PAK1: variants seen among roughly 807,000 people sequenced by gnomAD.
PAK1 encodes serine/threonine-protein kinase PAK 1.
In PAK1, 29 loss-of-function variants were observed where a neutral mutation model predicts 67.4. The observed-to-expected ratio is 0.43, with a 90% CI of 0.32 to 0.59. The LOEUF (loss-of-function observed/expected upper bound fraction) is 0.59, where lower values mean the gene tolerates loss of function less well. Ranked by LOEUF, PAK1 falls within the 20% of genes least tolerant of loss-of-function variation. The probability of loss-of-function intolerance (pLI) is 0.07; values close to 1 mark genes in which losing one functional copy is unlikely to be tolerated. For missense variants in PAK1, 337 were observed against 670.7 expected (o/e 0.50, Z 5.50); for synonymous variants, 223 against 237.4 (o/e 0.94, Z 0.56).
chr11:77,366,368 T>C (rs1947582925), intron 5 of PAK1, among the ~76,000 whole-genome samples: 1 of 152,196 alleles, frequency 6.6e-6, no homozygotes, highest in Admixed American at 6.5e-5. Flanking sequence ...AAAAACATAA[T>C]TGTATAAAGC....
the PAK1 span, among the ~76,000 whole-genome samples, chr11:77,520,009 C>G: frequency 2.4e-4 from 37 of 152,180 alleles, no homozygotes; most frequent in South Asian, 6.3e-4. Flanking sequence ...GTGGCCCCCC[C>G]CTCCGCCCGT....
At chr11:77,375,235 T>C (rs1424536445) in intron 4 of PAK1, among the ~76,000 whole-genome samples, 1 of 152,216 alleles carries the variant, frequency 6.6e-6, no homozygotes, top group African/African-American at 2.4e-5. Flanking sequence ...TCATCAGCTA[T>C]ATCACTGTCA....
chr11:77,384,851 C>T (rs1265033593), intron 2 of PAK1, among the ~76,000 whole-genome samples: 1 of 151,912 alleles, frequency 6.6e-6, no homozygotes, highest in East Asian at 1.9e-4. Context: ...ATACTAAAAA[C>T]CACGGAATTG....
At chr11:77,508,872 G>A in the PAK1 span, among the ~76,000 whole-genome samples, 3 of 149,422 alleles carry the variant, frequency 2.0e-5, no homozygotes, top group African/African-American at 7.3e-5. Context: ...GTGTTAGCCA[G>A]GATGGCCTCG....
chr11:77,498,306 GAA>G, the PAK1 span, among the ~76,000 whole-genome samples: 2 of 152,070 alleles, frequency 1.3e-5, no homozygotes, highest in Admixed American at 1.3e-4. Context: ...ATTCCAAAAG[GAA>G]AAGTTTATTT....
At chr11:77,345,544 C>T (rs1354351657) in intron 9 of PAK1, among the ~76,000 whole-genome samples, 3 of 152,128 alleles carry the variant, frequency 2.0e-5, no homozygotes, top group African/African-American at 7.2e-5. Context: ...AAATCCCTGA[C>T]TCTATTATTT....
chr11:77,481,372 TG>T, the PAK1 span, among the ~76,000 whole-genome samples: 1 of 152,096 alleles, frequency 6.6e-6, no homozygotes, highest in Admixed American at 6.6e-5. Flanking sequence ...GGGTGATTTG[TG>T]TCTTTTAACA....
At chr11:77,491,608 TGTTAA>T in the PAK1 span, among the ~76,000 whole-genome samples, 2 of 152,172 alleles carry the variant, frequency 1.3e-5, no homozygotes, top group African/African-American at 4.8e-5. Flanking sequence ...ATGCAATCAG[TGTTAA>T]GTTGTCATCA....
chr11:77,346,843 A>G (rs1944497382), intron 9 of PAK1, among the ~76,000 whole-genome samples: 1 of 152,250 alleles, frequency 6.6e-6, no homozygotes, highest in Non-Finnish European at 1.5e-5. Flanking sequence ...ATCAATGCCT[A>G]CAGGTCCATG....
At chr11:77,376,464 G>A (rs1474516715) in intron 4 of PAK1, among the ~76,000 whole-genome samples, 1 of 152,084 alleles carries the variant, frequency 6.6e-6, no homozygotes, top group Non-Finnish European at 1.5e-5. Flanking sequence ...GTGTTGCCAG[G>A]CACATGGCTC....
At chr11:77,353,732 G>A in intron 7 of PAK1, 133 bp from the exon 8 acceptor site, 1 of 674,164 alleles carries the variant, frequency 1.5e-6, no homozygotes, top group Non-Finnish European at 2.6e-6. Flanking sequence ...ATGCTAAACA[G>A]GCCCTCAGCT....
intron 14 of PAK1, among the ~76,000 whole-genome samples, chr11:77,326,019 C>T (rs1939736542): frequency 6.6e-6 from 1 of 152,182 alleles, no homozygotes; most frequent in South Asian, 2.1e-4. Context: ...CCCTGCCCTG[C>T]CCTGCTCTGT....
chr11:77,432,294 TA>T (rs1489391373), intron 1 of PAK1, among the ~76,000 whole-genome samples: 2 of 114,072 alleles, frequency 1.8e-5, no homozygotes, highest in Non-Finnish European at 3.3e-5. Flanking sequence ...GCAACTTCCT[TA>T]ATCTGATAAA....
chr11:77,482,816 G>C, the PAK1 span, among the ~76,000 whole-genome samples: 1 of 151,934 alleles, frequency 6.6e-6, no homozygotes, highest in African/African-American at 2.4e-5. Flanking sequence ...CTGTTGCCCA[G>C]CTGGTCTTGA....
intron 14 of PAK1, chr11:77,325,266 A>C: frequency 6.2e-7 from 1 of 1,601,876 alleles, no homozygotes; most frequent in Non-Finnish European, 8.5e-7. Context: ...TATTAAGAGC[A>C]GTGGCCAAGA....
At chr11:77,365,898 G>A (rs1947511005) in intron 5 of PAK1, among the ~76,000 whole-genome samples, 1 of 149,886 alleles carries the variant, frequency 6.7e-6, no homozygotes, top group African/African-American at 2.4e-5. Context: ...AAAAGCTAAA[G>A]TCAACATGAA....
intron 1 of PAK1, among the ~76,000 whole-genome samples, chr11:77,463,269 A>G (rs1041189652): frequency 5.3e-5 from 8 of 152,232 alleles, no homozygotes; most frequent in Non-Finnish European, 1.2e-4. Context: ...CAAGGGATAC[A>G]CAGACATGCG....
intron 1 of PAK1, among the ~76,000 whole-genome samples, chr11:77,469,746 G>A (rs2135559910): frequency 6.6e-6 from 1 of 151,650 alleles, no homozygotes; most frequent in South Asian, 2.1e-4. Context: ...AAACACTGGT[G>A]TGGGAGAATG....
rs754759788 is a variant in PAK1 at position 77,379,273 on chromosome 11, G to T, written c.407C>A (p.Thr136Lys). ...DVLEFYNSKK[T>K]SNSQKYMSFT... is the part of the protein sequence containing the mutation. The stretch of plus-strand genomic sequence containing the variant: ...GCTCATGTATTTCTGGCTGTTGGAT[G>T]TCTTCTTCGAGTTGTAAAACTCCAA... Residue 136 changes from threonine (T) to lysine (K), a missense_variant, in exon 4 of 15, where the codon ACA becomes AAA. Physicochemically the swap from Thr to Lys is moderately conservative, Grantham distance 78 (BLOSUM62 -1). Coordinates refer to ENST00000356341, the MANE Select transcript of PAK1 (RefSeq NM_002576.5). The T allele has an allele frequency of 6.2e-7, 1 of 1,613,778 alleles. No homozygotes were observed. The highest frequency in any genetic ancestry group is 8.5e-7 in the Non-Finnish European group (1 of 1,179,820).
Sources: allele counts gnomAD v4.1 joint callset (sites outside exome capture counted in the v4.1 genomes callset), GRCh38; gene constraint gnomAD v4.1.1; transcripts MANE v1.5; gene names NCBI Gene and HGNC (gene_info 2026-07-23, HGNC 2026-07-21).